Variants in ZNF713 observed in about 807,000 individuals in gnomAD.
ZNF713 encodes zinc finger protein 713.
A neutral mutation model predicts 28.7 loss-of-function variants in ZNF713; 21 were observed. The ratio of observed to expected loss-of-function variants is 0.73; its 90% confidence interval spans 0.52 to 1.05. The LOEUF (loss-of-function observed/expected upper bound fraction) is 1.05, where lower values mean the gene tolerates loss of function less well. Ranked by LOEUF, ZNF713 falls within the 50% of genes least tolerant of loss-of-function variation. ZNF713 has a pLI of 0.00. For missense variants in ZNF713, 458 were observed against 532.4 expected, an observed-to-expected ratio of 0.86 and a Z score of 1.37; for synonymous variants, 167 against 178.0, an observed-to-expected ratio of 0.94 and a Z score of 0.49.
intron 2 of ZNF713, among the ~76,000 whole-genome samples, chr7:55,908,715 G>A (rs1358283678): frequency 6.6e-6 from 1 of 151,952 alleles, no homozygotes; most frequent in East Asian, 1.9e-4. Context: ...TTCTTTTGCA[G>A]TGCAGAAACT....
chr7:55,898,057 A>G (rs755180838), intron 1 of ZNF713, among the ~76,000 whole-genome samples: 45 of 151,686 alleles, frequency 3.0e-4, no homozygotes, highest in Non-Finnish European at 1.0e-4. Context: ...CTCTGAGGAG[A>G]AGAGAGGGGT....
chr7:55,937,540 G>A (rs1786378496), intron 6 of ZNF713, among the ~76,000 whole-genome samples: 1 of 152,094 alleles, frequency 6.6e-6, no homozygotes, highest in African/African-American at 2.4e-5. Context: ...ACCCAGGACT[G>A]AGCATTTTAA....
rs375859829 is a variant in ZNF713 at position 55,887,521 on chromosome 7, C to G, written c.-742C>G. ...CAGGTCTGGCGCGCCGGTGGCTGGA[C>G]CGGCCCCAGGAGCCCAGTCACCGGG... On this transcript the variant is annotated 5_prime_UTR_variant, in exon 1 of 7. Transcript: ENST00000429591. The G allele has an allele frequency of 8.1e-4, 133 of 164,668 alleles. No homozygotes were observed. The highest frequency in any genetic ancestry group is 3.2e-3 in the African/African-American group (132 of 41,514). 10.2% of individuals were successfully genotyped at this position (164,668 alleles called of 1,614,324 possible). A position where few individuals can be genotyped will look rare whatever the true frequency, so the allele number is the denominator to read the frequency against.
At chr7:55,935,234 A>G (rs1459514264) in intron 6 of ZNF713, among the ~76,000 whole-genome samples, 1 of 152,132 alleles carries the variant, frequency 6.6e-6, no homozygotes, top group Non-Finnish European at 1.5e-5. Flanking sequence ...GCTTAGGTCC[A>G]TAAGATGTTT....
intron 4 of ZNF713, among the ~76,000 whole-genome samples, chr7:55,919,490 G>GGTTTTTTTTTTTTTTTT (rs1785944986): frequency 1.5e-5 from 1 of 66,760 alleles, no homozygotes; most frequent in Non-Finnish European, 3.1e-5. Flanking sequence ...AAACACTCCA[G>GGTTTTTTTTTTTTTTTT]TTTTTTTTTT....
At chr7:55,908,304 G>A (rs1054144110) in intron 2 of ZNF713, among the ~76,000 whole-genome samples, 3 of 151,958 alleles carry the variant, frequency 2.0e-5, no homozygotes, top group East Asian at 1.9e-4. Context: ...CGCCGTACCC[G>A]GCTAATTTTT....
intron 1 of ZNF713, among the ~76,000 whole-genome samples, chr7:55,897,961 C>T (rs1027903154): frequency 6.6e-6 from 1 of 152,142 alleles, no homozygotes; most frequent in Non-Finnish European, 1.5e-5. Flanking sequence ...TCCTACATAG[C>T]TTCAGGATGG....
At chr7:55,926,178 C>T (rs569517231) in intron 6 of ZNF713, among the ~76,000 whole-genome samples, 1 of 152,002 alleles carries the variant, frequency 6.6e-6, no homozygotes, top group Non-Finnish European at 1.5e-5. Flanking sequence ...GGCATGGTGG[C>T]GGATGCCTGG....
intron 4 of ZNF713, among the ~76,000 whole-genome samples, chr7:55,917,619 C>T (rs1785908924): frequency 6.6e-6 from 1 of 151,466 alleles, no homozygotes; most frequent in African/African-American, 2.4e-5. Context: ...GTCAGAGGAT[C>T]ACTTGAGCCC....
At chr7:55,899,170 G>A (rs1260163848) in intron 1 of ZNF713, among the ~76,000 whole-genome samples, 1 of 150,768 alleles carries the variant, frequency 6.6e-6, no homozygotes, top group African/African-American at 2.4e-5. Flanking sequence ...TGGCTAATAC[G>A]GTGAAACCCC....
At chr7:55,932,801 G>C (rs1385603047) in intron 6 of ZNF713, among the ~76,000 whole-genome samples, 2 of 136,394 alleles carry the variant, frequency 1.5e-5, no homozygotes, top group African/African-American at 5.5e-5. Context: ...GGAGAATGGC[G>C]TGAACCCGGG....
intron 4 of ZNF713, chr7:55,918,011 G>T (rs1022045275): frequency 2.4e-5 from 11 of 455,396 alleles, no homozygotes; most frequent in Non-Finnish European, 3.5e-5. Flanking sequence ...ATGCTTTCTT[G>T]CAAGTGACTT....
chr7:55,923,900 T>C (rs968478104), intron 6 of ZNF713: 8 of 403,922 alleles, frequency 2.0e-5, no homozygotes, highest in East Asian at 4.1e-5. Context: ...TATACACTTA[T>C]ATTGTTTTAA....
intron 1 of ZNF713, among the ~76,000 whole-genome samples, chr7:55,905,127 G>T (rs1785656361): frequency 6.6e-6 from 1 of 152,126 alleles, no homozygotes. Flanking sequence ...TTCAGAAGGG[G>T]CGTGGCCTCC....
rs1554334674 is a variant in ZNF713, at chr7:55,887,866, GGCGGCGGCGGCGGCGGCGGCGGGCGGC to G, written c.-583+188_-583+214del. 1.7e-4 allele frequency among the ~76,000 whole-genome samples: 3 copies of G among 18,018 alleles called. 1 individual carries two copies. The highest frequency in any genetic ancestry group is 9.7e-4 in the African/African-American group (2 of 2,060). The allele number at this position is 18,018 out of a possible 152,430, so 11.8% of individuals were successfully genotyped here. ...GCGGCGGCGGCGGCGGGCGGCGGGC[GGCGGCGGCGGCGGCGGCGGCGGGCGGC>G]GGCGGCGGCGGGAGGCGGCAGGTGG... On this transcript the variant is annotated intron_variant, in intron 1 of 6. Coordinates refer to ENST00000429591, the MANE Select transcript of ZNF713 (RefSeq NM_182633.3).
intron 4 of ZNF713, among the ~76,000 whole-genome samples, chr7:55,919,598 C>T (rs372400845): frequency 4.1e-5 from 6 of 145,422 alleles, no homozygotes; most frequent in Non-Finnish European, 6.0e-5. Flanking sequence ...CTCCACCTCC[C>T]GGGTTCAAGC....
chr7:55,899,021 T>TAA (rs1785523054), intron 1 of ZNF713, among the ~76,000 whole-genome samples: 1 of 152,084 alleles, frequency 6.6e-6, no homozygotes, highest in South Asian at 2.1e-4. Flanking sequence ...GAATGTAAAT[T>TAA]AATACAGCCA....
chr7:55,929,614 G>T (rs1786171111), intron 6 of ZNF713, among the ~76,000 whole-genome samples: 1 of 152,138 alleles, frequency 6.6e-6, no homozygotes. Flanking sequence ...AAGAGGCTGG[G>T]TGCAGTGGCG....
At chr7:55,931,657 T>G (rs1001301380) in intron 6 of ZNF713, among the ~76,000 whole-genome samples, 1 of 151,028 alleles carries the variant, frequency 6.6e-6, no homozygotes, top group Admixed American at 6.6e-5. Context: ...TCTCCCTTCT[T>G]TCTTACTTCC....
Sources: allele counts gnomAD v4.1 joint callset (sites outside exome capture counted in the v4.1 genomes callset), GRCh38; gene constraint gnomAD v4.1.1; transcripts MANE v1.5; gene names NCBI Gene and HGNC (gene_info 2026-07-23, HGNC 2026-07-21).